FAM222B: variants seen among roughly 807,000 people sequenced by gnomAD.
The protein encoded by FAM222B is protein FAM222B.
FAM222B carries 12 observed loss-of-function variants against 38.0 expected under a neutral mutation model. That is an observed-to-expected ratio of 0.32 (90% CI 0.20 to 0.51). FAM222B has a LOEUF of 0.51. Ranked by LOEUF, FAM222B falls within the 20% of genes least tolerant of loss-of-function variation. The pLI is 0.97. For missense variants in FAM222B, 716 were observed against 754.2 expected, an observed-to-expected ratio of 0.95 and a Z score of 0.59; for synonymous variants, 329 against 317.2, an observed-to-expected ratio of 1.04 and a Z score of -0.40.
intron 1 of FAM222B, among the ~76,000 whole-genome samples, chr17:28,836,635 G>A (rs538089534): frequency 9.1e-4 from 139 of 152,192 alleles, no homozygotes; most frequent in African/African-American, 3.3e-3. Context: ...ACTGGGGGCT[G>A]CATGCACCAG....
intron 1 of FAM222B, among the ~76,000 whole-genome samples, chr17:28,850,665 G>C (rs371837861): frequency 6.6e-6 from 1 of 151,954 alleles, no homozygotes; most frequent in Non-Finnish European, 1.5e-5. Flanking sequence ...TTTAGTCTCG[G>C]GTATTTTTGT....
At chr17:28,772,852 G>A (rs980481678) in intron 1 of FAM222B, among the ~76,000 whole-genome samples, 3 of 152,090 alleles carry the variant, frequency 2.0e-5, no homozygotes, top group East Asian at 3.9e-4. Flanking sequence ...CCGAGATCGC[G>A]CCACTGCACT....
chr17:28,822,136 C>T, intron 1 of FAM222B, among the ~76,000 whole-genome samples: 1 of 150,258 alleles, frequency 6.7e-6, no homozygotes, highest in East Asian at 2.1e-4. Flanking sequence ...ATTCTCCTGC[C>T]TCAGTCTCCC....
intron 1 of FAM222B, among the ~76,000 whole-genome samples, chr17:28,830,812 C>T (rs1049203022): frequency 1.3e-5 from 2 of 150,664 alleles, no homozygotes; most frequent in African/African-American, 4.9e-5. Context: ...ATGGCAAAAC[C>T]CCATCTCTAT....
intron 1 of FAM222B, among the ~76,000 whole-genome samples, chr17:28,809,249 G>A (rs2037629437): frequency 6.6e-6 from 1 of 152,042 alleles, no homozygotes; most frequent in Admixed American, 6.6e-5. Flanking sequence ...TACTCAGGAG[G>A]CTGAGGCAGG....
intron 1 of FAM222B, among the ~76,000 whole-genome samples, chr17:28,772,827 G>A (rs1024615515): frequency 3.3e-5 from 5 of 152,064 alleles, no homozygotes; most frequent in African/African-American, 9.7e-5. Context: ...CTGGGGAGGC[G>A]GAGGCTGCAG....
chr17:28,823,875 A>ATT (rs367743538), intron 1 of FAM222B, among the ~76,000 whole-genome samples: 169 of 134,046 alleles, frequency 1.3e-3, no homozygotes, highest in East Asian at 2.2e-3. Context: ...CCAAAAGAGA[A>ATT]TTTTTTTTTT....
chr17:28,803,214 G>A (rs1472709659), intron 1 of FAM222B, among the ~76,000 whole-genome samples: 1 of 151,974 alleles, frequency 6.6e-6, no homozygotes, highest in Non-Finnish European at 1.5e-5. Flanking sequence ...CACCAGGTTG[G>A]CCAGGCTGGT....
chr17:28,832,456 T>C (rs1319814809), intron 1 of FAM222B, among the ~76,000 whole-genome samples: 1 of 152,326 alleles, frequency 6.6e-6, no homozygotes, highest in Non-Finnish European at 1.5e-5. Flanking sequence ...TCTTGCACTT[T>C]ACAAACAATG....
At chr17:28,826,579 G>T (rs2038447732) in intron 1 of FAM222B, among the ~76,000 whole-genome samples, 1 of 151,480 alleles carries the variant, frequency 6.6e-6, no homozygotes, top group Non-Finnish European at 1.5e-5. Flanking sequence ...TGCTTGGGAG[G>T]CTGAGACAGG....
intron 1 of FAM222B, among the ~76,000 whole-genome samples, chr17:28,833,612 C>CAAA (rs370065990): frequency 5.8e-4 from 42 of 72,898 alleles, no homozygotes; most frequent in African/African-American, 8.9e-4. Flanking sequence ...GACTTTGTCT[C>CAAA]AAAAAAAAAA....
intron 1 of FAM222B, among the ~76,000 whole-genome samples, chr17:28,781,190 CG>C (rs1315513820): frequency 6.6e-6 from 1 of 151,910 alleles, no homozygotes; most frequent in East Asian, 1.9e-4. Context: ...CCCAGCTACT[CG>C]GGAGACTGAG....
chr17:28,845,376 G>A (rs1456463148), upstream of FAM222B, among the ~76,000 whole-genome samples: 4 of 151,530 alleles, frequency 2.6e-5, no homozygotes, highest in East Asian at 7.8e-4. Context: ...ACTCCAGCCT[G>A]GGGACAGAGC....
chr17:28,791,913 G>A (rs940289557), intron 1 of FAM222B, among the ~76,000 whole-genome samples: 3 of 150,772 alleles, frequency 2.0e-5, no homozygotes, highest in Non-Finnish European at 3.0e-5. Context: ...GCCCGCCTTC[G>A]CCTCCCAAAG....
At chr17:28,822,360 C>T (rs973598070) in intron 1 of FAM222B, among the ~76,000 whole-genome samples, 2 of 150,550 alleles carry the variant, frequency 1.3e-5, no homozygotes, top group African/African-American at 4.9e-5. Context: ...CAGTGGCTCA[C>T]GCCTGTAATC....
intron 1 of FAM222B, among the ~76,000 whole-genome samples, chr17:28,783,006 T>C (rs4794837): frequency 0.19 from 28,642 of 150,954 alleles, 2,843 homozygotes; most frequent in South Asian, 0.3. Context: ...GGTGAGGCGG[T>C]GGGTGCCTGT....
At chr17:28,778,121 G>C (rs2151829046) in intron 1 of FAM222B, among the ~76,000 whole-genome samples, 1 of 149,648 alleles carries the variant, frequency 6.7e-6, no homozygotes, top group East Asian at 2.0e-4. Flanking sequence ...TGGGATACAT[G>C]TGCAGAACGT....
Position 28,759,236 on chromosome 17 carries a change from A to G in FAM222B, c.723T>C (p.Asn241=). The G allele has an allele frequency of 6.2e-7, 1 of 1,613,590 alleles. No homozygotes were observed. Reference sequence around the variant, plus strand: ...GGATAGTTGAGGTAGACACGGTCACATTCGGGGGGGCATCTGAGTCTGGCA... The same window carrying G: ...GGATAGTTGAGGTAGACACGGTCACGTTCGGGGGGGCATCTGAGTCTGGCA... ...RKMPDSDAPP[N]VTVSTSTIPL... is the part of the protein sequence containing the mutation. The change falls in exon 3 of 3, where the codon AAT becomes AAC. Residue 241 remains asparagine, a synonymous_variant. Coordinates refer to ENST00000581407, the MANE Select transcript of FAM222B (RefSeq NM_001077498.3). The surrounding 1 kb of genome is among the most constrained non-coding windows in gnomAD (Gnocchi z 4.8).
intron 1 of FAM222B, among the ~76,000 whole-genome samples, chr17:28,813,407 G>A (rs956522499): frequency 6.6e-6 from 1 of 152,108 alleles, no homozygotes; most frequent in Non-Finnish European, 1.5e-5. Flanking sequence ...TTCTGACCTG[G>A]ATCCTTTTTG....
Sources: gnomAD v4.1 joint callset for allele counts (sites outside exome capture counted in the v4.1 genomes callset) on GRCh38, gnomAD v4.1.1 for gene constraint, Gnocchi (gnomAD v3.1) non-coding constraint, MANE v1.5 for transcripts, NCBI Gene and HGNC (gene_info 2026-07-23, HGNC 2026-07-21) for gene names.